The following KCP variants were observed in gnomAD, a reference collection of about 807,000 sequenced individuals.
KCP encodes kielin/chordin-like protein.
In KCP, 194 loss-of-function variants were observed where a neutral mutation model predicts 212.7. The ratio of observed to expected loss-of-function variants is 0.91; its 90% CI spans 0.81 to 1.03. The LOEUF (loss-of-function observed/expected upper bound fraction) is 1.03, where lower values mean the gene tolerates loss of function less well. Ranked by LOEUF, KCP falls within the 50% of genes least tolerant of loss-of-function variation. The pLI is 0.00. For synonymous variants in KCP, 833 were observed against 865.3 expected (o/e 0.96, Z 0.65); for missense variants, 2,080 against 2,162.5 (o/e 0.96, Z 0.76).
At chr7:128,889,122 T>G in intron 21 of KCP, 83 bp from the exon 22 acceptor site, 1 of 1,057,522 alleles carries the variant, frequency 9.5e-7, no homozygotes, top group East Asian at 3.3e-5. Flanking sequence ...AGCTTGGGCC[T>G]GTTATGCATC....
rs1456217516 is a variant in KCP, at chr7:128,879,771, C to T, written c.3991G>A (p.Ala1331Thr). 1 of 1,550,630 alleles carries T rather than the reference C, an allele frequency of 6.4e-7. No homozygotes were observed. ...ACGGCCATGTCTCCCAGCAGCACCGCCACCTCCTGGGTCCAGGCCACACCG... is the reference window on the plus strand; with the variant it reads ...ACGGCCATGTCTCCCAGCAGCACCGTCACCTCCTGGGTCCAGGCCACACCG... ...RSGVAWTQEV[A>T]VLLGDMAVRL... The change falls in exon 36 of 40, where the codon GCG becomes ACG. Residue 1331 changes from alanine (A) to threonine (T), a missense_variant. Coordinates refer to ENST00000610776, the MANE Select transcript of KCP (RefSeq NM_001366122.1).
chr7:128,903,934 C>G (rs1044629886), intron 6 of KCP, 114 bp from the exon 7 acceptor site: 3 of 1,357,174 alleles, frequency 2.2e-6, no homozygotes, highest in African/African-American at 1.4e-5. Flanking sequence ...GGAGGGAGAA[C>G]CTAGCTGGCT....
Position 128,877,626 on chromosome 7 carries a change from G to T in KCP, c.4476C>A (p.Phe1492Leu). 3 of 1,551,686 alleles carry T rather than the reference G, an allele frequency of 1.9e-6. No homozygotes were observed. The highest frequency in any genetic ancestry group is 2.6e-6 in the Non-Finnish European group (3 of 1,147,002). The part of the protein sequence containing the change: ...RCHAVVPPEP[F>L]FAACVYDLCA... ...ACAGGTCATACACACAGGCGGCAAA[G>T]AAGGGCTCCGGTGGCACCACAGCAT... The change falls in exon 39 of 40, where the codon TTC (phenylalanine) becomes TTA (leucine). Residue 1492 changes from phenylalanine (F) to leucine (L), a missense_variant. Coordinates refer to ENST00000610776, the MANE Select transcript of KCP (RefSeq NM_001366122.1).
rs368694785 is a variant in KCP, at chr7:128,886,719, C to G, written c.2708G>C (p.Arg903Pro). Residue 903 changes from arginine (R) to proline (P), a missense_variant, in exon 25 of 40, where the codon CGG (arginine) becomes CCG (proline). By Grantham distance (103) the Arg-to-Pro change is moderately radical (BLOSUM62 -2). Coordinates refer to ENST00000610776, the MANE Select transcript of KCP (RefSeq NM_001366122.1). Reference sequence around the variant, plus strand: ...AAACTCCTCCCCATCCTGGTGCTCCCGGCCCTGAGAGAGACAGCCTGTGGG... The same window carrying G: ...AAACTCCTCCCCATCCTGGTGCTCCGGGCCCTGAGAGAGACAGCCTGTGGG... ...PVCHSCLSQG[R>P]EHQDGEEFEG... is the part of the protein sequence containing the mutation. The G allele has an allele frequency of 6.4e-7, 1 of 1,551,522 alleles. No individual in the cohort carries two copies. The highest frequency in any genetic ancestry group is 1.4e-5 in the African/African-American group (1 of 73,040).
chr7:128,892,513 C>G lies in KCP; in HGVS notation c.1621+1G>C, dbSNP rs1264097027. ...CTCAGGCCCAGTGAGTGCCCACATA[C>G]CTGGGCACCTGGGGCAACACTGGCC... On this transcript the variant is annotated splice_donor_variant, in intron 16 of 39. Coordinates refer to ENST00000610776, the MANE Select transcript of KCP (RefSeq NM_001366122.1). LOFTEE classifies it high-confidence loss of function. 1 of 1,520,454 alleles carries G rather than the reference C, an allele frequency of 6.6e-7. No homozygotes were observed. The highest frequency in any genetic ancestry group is 2.5e-5 in the East Asian group (1 of 40,584). The allele number at this position is 1,520,454 out of a possible 1,614,324, so 94.2% of individuals were successfully genotyped here.
rs1451408737 is a variant in KCP, at chr7:128,886,570, C to A, written c.2773-13G>T. 6.4e-7 allele frequency: 1 copy of A among 1,551,138 alleles called. No individual in the cohort carries two copies. The highest frequency in any genetic ancestry group is 2.4e-5 in the East Asian group (1 of 40,916). ...TGACCTGGCCAGCCTGTAGGAGATG[C>A]AGGGACACTGGCTCGCTGCCTAGGC... On this transcript the variant is annotated splice_polypyrimidine_tract_variant and intron_variant, in intron 25 of 39. Transcript: ENST00000610776.
rs1345191258 is a variant in KCP at position 128,878,709 on chromosome 7, C to T, written c.4160G>A (p.Gly1387Glu). ...TACGCTCACCTCCACCTGGGACTGC[C>T]CATCCCACAGCACCTGTGTGGAGAG... ...AQPGLQVLWD[G>E]QSQVEVSVPG... Residue 1387 changes from glycine to glutamate, a missense_variant, in exon 38 of 40, where the codon GGG becomes GAG. Gly to Glu is a moderately conservative substitution (Grantham distance 98). Coordinates refer to ENST00000610776, the MANE Select transcript of KCP (RefSeq NM_001366122.1). The T allele has an allele frequency of 4.5e-6, 7 of 1,549,866 alleles. No individual in the cohort carries two copies. Among genetic ancestry groups the T allele is most frequent in the Non-Finnish European group, 6.1e-6 (7 of 1,146,878 alleles).
At chr7:128,903,967 G>A in intron 6 of KCP, 89 bp downstream of exon 6, 3 of 1,384,348 alleles carry the variant, frequency 2.2e-6, no homozygotes, top group South Asian at 1.2e-5. Flanking sequence ...AGGCATGTGA[G>A]GGGGCTGGAG....
intron 2 of KCP, 136 bp from the exon 3 acceptor site, chr7:128,907,589 C>G: frequency 3.7e-6 from 2 of 542,266 alleles, no homozygotes; most frequent in Non-Finnish European, 6.0e-6. Context: ...CCCCCTCGGT[C>G]AGCATCCAGC....
intron 22 of KCP, among the ~76,000 whole-genome samples, chr7:128,888,327 A>AACACACAC (rs760342030): frequency 4.7e-5 from 5 of 106,576 alleles, no homozygotes; most frequent in South Asian, 3.1e-4. Context: ...CACACAGAGC[A>AACACACAC]ACACACACAC....
intron 11 of KCP, 96 bp downstream of exon 11, chr7:128,893,710 C>T: frequency 7.5e-7 from 1 of 1,341,212 alleles, no homozygotes. Context: ...AACAGGGTAA[C>T]AGGGGCTTAG....
intron 20 of KCP, 23 bp from the exon 21 acceptor site, chr7:128,890,536 G>A (rs760276086): frequency 2.0e-6 from 3 of 1,535,658 alleles, no homozygotes; most frequent in Non-Finnish European, 1.8e-6. Flanking sequence ...GCAGGGGCTG[G>A]GGGGCCGTGG....
intron 1 of KCP, among the ~76,000 whole-genome samples, chr7:128,910,273 G>C (rs774170421): frequency 2.0e-5 from 3 of 152,238 alleles, no homozygotes; most frequent in Non-Finnish European, 4.4e-5. Context: ...CAGATGCAAA[G>C]TCAGCTTCCA....
chr7:128,884,047 G>C lies in KCP; in HGVS notation c.3199C>G (p.Gln1067Glu), dbSNP rs768981447. 1 of 1,546,716 alleles carries C rather than the reference G, an allele frequency of 6.5e-7. No individual in the cohort carries two copies. The highest frequency in any genetic ancestry group is 1.2e-5 in the South Asian group (1 of 83,808). The change falls in exon 29 of 40, where the codon CAG becomes GAG. Residue 1067 changes from glutamine (Q) to glutamate (E), a missense_variant. Coordinates refer to ENST00000610776, the MANE Select transcript of KCP (RefSeq NM_001366122.1). ...CPSLVGCPPSQLLPPGPQHCC... is the reference protein window; with the variant it reads ...CPSLVGCPPSELLPPGPQHCC... ...TGCTGGGGCCCAGGGGGCAGGAGCT[G>C]GCTGGGGGGGCAGCCCACCAGGCTG...
Position 128,878,815 on chromosome 7 carries a change from C to A in KCP, c.4147-93G>T, listed in dbSNP as rs564492311. Reference sequence around the variant, plus strand: ...ATGGCCCCAGGCACTGTGTTCAGTGCGGCCAGTGCTGTAGGGGAGGAGAAT... The same window carrying A: ...ATGGCCCCAGGCACTGTGTTCAGTGAGGCCAGTGCTGTAGGGGAGGAGAAT... On this transcript the variant is annotated intron_variant, in intron 37 of 39. Transcript: ENST00000610776. The A allele has an allele frequency of 2.3e-6, 3 of 1,287,640 alleles. No individual in the cohort carries two copies. In the African/African-American group the frequency reaches 4.4e-5, roughly 19 times the overall value. The allele number at this position is 1,287,640 out of a possible 1,614,324, so 79.8% of individuals were successfully genotyped here.
chr7:128,888,021 CCA>C (rs764393627), intron 22 of KCP, among the ~76,000 whole-genome samples: 155 of 131,542 alleles, frequency 1.2e-3, no homozygotes, highest in African/African-American at 4.6e-3. Context: ...CCACACACAG[CCA>C]CACACACACA....
intron 5 of KCP, chr7:128,904,447 T>C (rs1480921341): frequency 2.5e-6 from 3 of 1,191,772 alleles, no homozygotes; most frequent in East Asian, 2.6e-5. Context: ...TCTCTCCTGC[T>C]CTCCCTCCTC....
At chr7:128,902,978 A>T in intron 7 of KCP, 119 bp from the exon 8 acceptor site, 1 of 731,340 alleles carries the variant, frequency 1.4e-6, no homozygotes, top group South Asian at 1.6e-5. Context: ...AGCCAAGACT[A>T]GATGGGGTCA....
In KCP at chr7:128,887,611, A is replaced by AC. The variant is rs367552880; in HGVS notation, c.2513-312dup. 5.3e-3 allele frequency among the ~76,000 whole-genome samples: 766 copies of AC among 143,198 alleles called. 4 individuals carry two copies. The highest frequency in any genetic ancestry group is 0.024 in the South Asian group (103 of 4,260). The allele number at this position is 143,198 out of a possible 152,430, so 93.9% of individuals were successfully genotyped here. ...CACATACACACACAGCCACACCTAC[A>AC]CCCCCCCACACACAGCCACACACAC... On this transcript the variant is annotated intron_variant, in intron 22 of 39. Transcript: ENST00000610776.
Sources: gnomAD v4.1 joint callset for allele counts (sites outside exome capture counted in the v4.1 genomes callset) on GRCh38, gnomAD v4.1.1 for gene constraint, MANE v1.5 for transcripts, NCBI Gene and HGNC (gene_info 2026-07-23, HGNC 2026-07-21) for gene names.